The following CYP19A1 variants were observed in gnomAD, a reference collection of about 807,000 sequenced individuals.
CYP19A1 encodes cytochrome P450 family 19 subfamily A member 1, also known as aromatase.
A neutral mutation model predicts 44.4 loss-of-function variants in CYP19A1; 32 were observed. The ratio of observed to expected loss-of-function variants is 0.72; its 90% confidence interval spans 0.54 to 0.97. The LOEUF (loss-of-function observed/expected upper bound fraction) is 0.97. Ranked by LOEUF, CYP19A1 falls within the 50% of genes least tolerant of loss-of-function variation. The pLI is 0.00. For missense variants in CYP19A1, 598 were observed against 637.8 expected (o/e 0.94, Z 0.67); for synonymous variants, 212 against 215.6 (o/e 0.98, Z 0.14).
chr15:51,293,342 A>G (rs912304224), intron 1 of CYP19A1, among the ~76,000 whole-genome samples: 4 of 152,230 alleles, frequency 2.6e-5, no homozygotes, highest in Non-Finnish European at 5.9e-5. Context: ...ACAAAATATT[A>G]GCAAGTGTGA....
At chr15:51,311,456 A>C (rs2036309006) in intron 1 of CYP19A1, among the ~76,000 whole-genome samples, 1 of 152,244 alleles carries the variant, frequency 6.6e-6, no homozygotes, top group African/African-American at 2.4e-5. Flanking sequence ...AAAATAATGA[A>C]TAAAGCCTCG....
At chr15:51,315,348 C>T (rs778248689) in intron 1 of CYP19A1, among the ~76,000 whole-genome samples, 8 of 152,152 alleles carry the variant, frequency 5.3e-5, no homozygotes, top group African/African-American at 9.7e-5. Flanking sequence ...ACTCAGTCTT[C>T]GGGTTTCCAC....
chr15:51,275,327 C>T (rs2035269099), intron 1 of CYP19A1, among the ~76,000 whole-genome samples: 1 of 152,214 alleles, frequency 6.6e-6, no homozygotes, highest in Non-Finnish European at 1.5e-5. Context: ...CCAACAGAAC[C>T]AGTGGTTAAG....
chr15:51,242,257 A>C (rs900590882), intron 2 of CYP19A1: 5 of 172,168 alleles, frequency 2.9e-5, no homozygotes, highest in African/African-American at 1.2e-4. Flanking sequence ...TGGGAGAAAA[A>C]TGGGGACCAC....
At chr15:51,229,625 G>A (rs145445708) in intron 3 of CYP19A1, among the ~76,000 whole-genome samples, 1,907 of 151,964 alleles carry the variant, frequency 0.013, 23 homozygotes, top group Admixed American at 0.036. Flanking sequence ...TTTGTCTGAC[G>A]TTTCAAATTT....
At chr15:51,306,442 T>C (rs1228269835) in intron 1 of CYP19A1, among the ~76,000 whole-genome samples, 1 of 152,228 alleles carries the variant, frequency 6.6e-6, no homozygotes, top group Non-Finnish European at 1.5e-5. Flanking sequence ...ATCATTTTAA[T>C]GTTTAAATCA....
rs1044060020 is a variant in CYP19A1, at chr15:51,327,466, C to T, written c.-39+11029G>A. On this transcript the variant is annotated intron_variant, in intron 1 of 9. Transcript: ENST00000396402. The stretch of plus-strand genomic sequence containing the variant: ...GCATGCATGCATTCACTCATCCATC[C>T]ATTCACTAATTCATTTGACATTGTT... 3.9e-5 allele frequency among the ~76,000 whole-genome samples: 6 copies of T among 152,236 alleles called. 1 individual carries two copies. In the South Asian group the frequency reaches 1.2e-3, roughly 32 times the overall value.
chr15:51,287,352 G>A (rs1411844874), intron 1 of CYP19A1, among the ~76,000 whole-genome samples: 2 of 152,154 alleles, frequency 1.3e-5, no homozygotes, highest in African/African-American at 2.4e-5. Flanking sequence ...CATTACTAAC[G>A]CAATGCGAAC....
At chr15:51,299,818 G>C (rs2036075617) in intron 1 of CYP19A1, among the ~76,000 whole-genome samples, 1 of 152,194 alleles carries the variant, frequency 6.6e-6, no homozygotes, top group East Asian at 1.9e-4. Context: ...TTAGAGTGTA[G>C]GGGAGCACCC....
chr15:51,304,890 CTTTTTTTTTTTT>C (rs545247348), intron 1 of CYP19A1, among the ~76,000 whole-genome samples: 2 of 104,572 alleles, frequency 1.9e-5, no homozygotes, highest in Non-Finnish European at 3.5e-5. Flanking sequence ...GTGTCTCTTC[CTTTTTTTTTTTT>C]TTTTTTTTTT....
At chr15:51,251,768 G>T (rs759915286) in intron 1 of CYP19A1, among the ~76,000 whole-genome samples, 5 of 152,168 alleles carry the variant, frequency 3.3e-5, no homozygotes, top group Non-Finnish European at 7.4e-5. Flanking sequence ...CAGCACTGCT[G>T]GCCTTTCCTT....
chr15:51,250,537 T>C (rs564289511), intron 1 of CYP19A1, among the ~76,000 whole-genome samples: 2 of 152,350 alleles, frequency 1.3e-5, no homozygotes, highest in African/African-American at 4.8e-5. Flanking sequence ...CTGCATCTGA[T>C]AGAGTCTCCC....
In CYP19A1 at chr15:51,208,771, A is replaced by C. The variant is rs2030639191; in HGVS notation, c.*2037T>G. On this transcript the variant is annotated 3_prime_UTR_variant, in exon 10 of 10. Transcript: ENST00000396402. ...CCTCACTCCCACCCCCCACCCTTCC[A>C]CTCCCAGTTTTCCCCCAGGATATTT... 2 of 75,966 alleles carry C rather than the reference A, an allele frequency of 2.6e-5. No homozygotes were observed. The highest frequency in any genetic ancestry group is 5.3e-5 in the African/African-American group (1 of 18,838). 4.7% of individuals were successfully genotyped at this position (75,966 alleles called of 1,614,324 possible).
intron 1 of CYP19A1, among the ~76,000 whole-genome samples, chr15:51,300,757 C>A (rs1191694132): frequency 6.6e-6 from 1 of 152,134 alleles, no homozygotes; most frequent in East Asian, 1.9e-4. Flanking sequence ...CATTCTATGC[C>A]TTTCTTATTG....
intron 1 of CYP19A1, among the ~76,000 whole-genome samples, chr15:51,307,164 A>G (rs12899740): frequency 0.13 from 20,326 of 152,040 alleles, 2,370 homozygotes; most frequent in African/African-American, 0.3. Flanking sequence ...AAGATCCATG[A>G]TTAGTAGTGT....
rs903468994 is a variant in CYP19A1 at position 51,215,159 on chromosome 15, A to G, written c.932T>C (p.Met311Thr). 6.2e-7 allele frequency: 1 copy of G among 1,614,142 alleles called. No homozygotes were observed. Among genetic ancestry groups the G allele is most frequent in the Non-Finnish European group, 8.5e-7 (1 of 1,180,014 alleles). Reference protein sequence around the residue: ...LEMLIAAPDTMSVSLFFMLFL... With the variant: ...LEMLIAAPDTTSVSLFFMLFL... ...TAGCATGAAGAACAAAGAGACAGAC[A>G]TGGTGTCAGGAGCTGCGATCAGCAT... Residue 311 changes from methionine to threonine, a missense_variant, in exon 8 of 10, where the codon ATG (methionine) becomes ACG (threonine). Met to Thr is a moderately conservative substitution (Grantham distance 81, BLOSUM62 -1). Transcript: ENST00000396402.
intron 4 of CYP19A1, among the ~76,000 whole-genome samples, chr15:51,223,258 G>GGAATGAAT (rs3842333): frequency 4.2e-4 from 63 of 151,100 alleles, no homozygotes; most frequent in African/African-American, 6.8e-4. Flanking sequence ...TTTCAATAGA[G>GGAATGAAT]GAATGAATGA....
At chr15:51,224,041 A>G (rs2032363734) in intron 4 of CYP19A1, among the ~76,000 whole-genome samples, 1 of 152,238 alleles carries the variant, frequency 6.6e-6, no homozygotes. Context: ...TATGCTAAAA[A>G]GTATTGACTC....
At chr15:51,235,822 T>C (rs1489880833) in intron 3 of CYP19A1, among the ~76,000 whole-genome samples, 9 of 152,216 alleles carry the variant, frequency 5.9e-5, no homozygotes, top group Non-Finnish European at 1.5e-5. Context: ...AACAAATTGG[T>C]AAAACACCCT....
Sources: allele counts gnomAD v4.1 joint callset (sites outside exome capture counted in the v4.1 genomes callset), GRCh38; gene constraint gnomAD v4.1.1; transcripts MANE v1.5; gene names NCBI Gene and HGNC (gene_info 2026-07-23, HGNC 2026-07-21).